Variants in UNC13B observed in about 807,000 individuals in gnomAD.
UNC13B encodes the protein protein unc-13 homolog B.
In UNC13B, 144 loss-of-function variants were observed where a neutral mutation model predicts 211.0. That is an observed-to-expected ratio of 0.68 (90% CI 0.60 to 0.78). UNC13B has a LOEUF of 0.78. Ranked by LOEUF, UNC13B falls within the 30% of genes least tolerant of loss-of-function variation. The pLI is 0.00. For synonymous variants in UNC13B, 709 were observed against 725.8 expected (o/e 0.98, Z 0.37); for missense variants, 1,777 against 2,002.0 (o/e 0.89, Z 2.14).
chr9:35,321,461 C>G (rs1830733135), intron 11 of UNC13B, among the ~76,000 whole-genome samples: 1 of 152,102 alleles, frequency 6.6e-6, no homozygotes, highest in Non-Finnish European at 1.5e-5. Flanking sequence ...AAGCAATTTT[C>G]CTGTCTCAAC....
At chr9:35,163,081 A>G (rs980653168) in intron 1 of UNC13B, among the ~76,000 whole-genome samples, 26 of 152,200 alleles carry the variant, frequency 1.7e-4, no homozygotes, top group African/African-American at 5.8e-4. Flanking sequence ...CTGACGTAGT[A>G]GAAGCTTAAT....
intron 1 of UNC13B, among the ~76,000 whole-genome samples, chr9:35,225,774 G>A (rs1824802152): frequency 6.6e-6 from 1 of 152,118 alleles, no homozygotes; most frequent in Admixed American, 6.5e-5. Flanking sequence ...AGTAGCAGTG[G>A]CATTCTAGGA....
At chr9:35,169,616 A>G (rs1821229146) in intron 1 of UNC13B, among the ~76,000 whole-genome samples, 1 of 152,108 alleles carries the variant, frequency 6.6e-6, no homozygotes, top group Admixed American at 6.5e-5. Context: ...TCGTGGTTCT[A>G]GTAGTCCCTG....
rs1190574801 is a variant in UNC13B at position 35,390,092 on chromosome 9, T to C, written c.11222+119T>C. On this transcript the variant is annotated intron_variant, in intron 25 of 39. Coordinates refer to ENST00000635942, the MANE Select transcript of UNC13B (RefSeq NM_001371189.2). The stretch of plus-strand genomic sequence containing the variant: ...GCCACCTCTTCTTCCTGTCCATCCA[T>C]CTGTCCCTCTGTCCCTTGTATCTGT... 4.7e-6 allele frequency: 7 copies of C among 1,489,098 alleles called. No homozygotes were observed. The Admixed American group carries it at 1.1e-4, about 23-fold the overall frequency. The allele number at this position is 1,489,098 out of a possible 1,614,324, so 92.2% of individuals were successfully genotyped here.
intron 1 of UNC13B, among the ~76,000 whole-genome samples, chr9:35,169,304 T>C (rs1382159340): frequency 6.6e-6 from 1 of 152,154 alleles, no homozygotes; most frequent in Non-Finnish European, 1.5e-5. Context: ...TAGTGAGCCA[T>C]GTTCATGCCA....
At chr9:35,346,890 T>C (rs1832391098) in intron 11 of UNC13B, among the ~76,000 whole-genome samples, 1 of 152,072 alleles carries the variant, frequency 6.6e-6, no homozygotes, top group Admixed American at 6.6e-5. Context: ...CTCCTTTCCA[T>C]TCCCAACCCC....
intron 4 of UNC13B, among the ~76,000 whole-genome samples, chr9:35,237,163 A>G (rs1038974283): frequency 6.6e-6 from 1 of 151,938 alleles, no homozygotes; most frequent in African/African-American, 2.4e-5. Flanking sequence ...TCATTTCCCC[A>G]CTTTGGACCT....
chr9:35,236,366 A>C, intron 3 of UNC13B, 103 bp from the exon 4 acceptor site: 1 of 934,812 alleles, frequency 1.1e-6, no homozygotes, highest in Non-Finnish European at 1.6e-6. Flanking sequence ...TCCTGAAGAC[A>C]GGATCCTGGT....
intron 1 of UNC13B, among the ~76,000 whole-genome samples, chr9:35,182,798 T>C (rs1822014927): frequency 1.3e-5 from 2 of 152,224 alleles, no homozygotes; most frequent in Non-Finnish European, 2.9e-5. Context: ...GGTAAGGTTA[T>C]AGATTAACAG....
intron 1 of UNC13B, among the ~76,000 whole-genome samples, chr9:35,170,976 T>G (rs1055875650): frequency 8.5e-5 from 13 of 152,222 alleles, no homozygotes; most frequent in African/African-American, 3.1e-4. Context: ...ACATGGCTAA[T>G]TTTTGTATTT....
At chr9:35,218,491 G>A (rs1430610740) in intron 1 of UNC13B, among the ~76,000 whole-genome samples, 1 of 151,718 alleles carries the variant, frequency 6.6e-6, no homozygotes, top group African/African-American at 2.4e-5. Context: ...AGAGTGCAGT[G>A]GCATGATCAA....
intron 11 of UNC13B, among the ~76,000 whole-genome samples, chr9:35,318,590 A>T (rs745419787): frequency 1.3e-5 from 2 of 152,246 alleles, no homozygotes; most frequent in African/African-American, 4.8e-5. Context: ...AGATCCTTCC[A>T]TATCAGCTCT....
At position 35,231,176 on chromosome 9, in the gene UNC13B, G is replaced by T. The variant is rs1825180785; in HGVS notation, c.109G>T (p.Ala37Ser). 1.1e-5 allele frequency: 17 copies of T among 1,613,592 alleles called. No individual in the cohort carries two copies. Among genetic ancestry groups the T allele is most frequent in the Non-Finnish European group, 1.4e-5 (16 of 1,179,642 alleles). ...KVQNVKSTTV[A>S]VRGDQPSWEQ... ...ACAGAATGTGAAGAGCACAACTGTA[G>T]CAGTTCGTGGTGATCAGCCTTCCTG... is the stretch of plus-strand genomic sequence containing the variant. The change falls in exon 3 of 40, where the codon GCA becomes TCA. Residue 37 changes from alanine to serine, a missense_variant. Ala to Ser is a moderately conservative substitution (Grantham distance 99). Transcript: ENST00000635942.
chr9:35,228,731 TG>T (rs2131492377), intron 2 of UNC13B, among the ~76,000 whole-genome samples: 1 of 151,510 alleles, frequency 6.6e-6, no homozygotes, highest in South Asian at 2.1e-4. Context: ...TGTGTGTGTG[TG>T]TGTGTGTGTG....
At chr9:35,276,992 G>A (rs1828214067) in intron 7 of UNC13B, among the ~76,000 whole-genome samples, 1 of 152,122 alleles carries the variant, frequency 6.6e-6, no homozygotes, top group African/African-American at 2.4e-5. Context: ...GTACTCAGAA[G>A]TTTTTCTTAG....
chr9:35,220,582 T>C (rs1269980146), intron 1 of UNC13B, among the ~76,000 whole-genome samples: 2 of 152,126 alleles, frequency 1.3e-5, no homozygotes, highest in Non-Finnish European at 2.9e-5. Flanking sequence ...TGACCTCCAG[T>C]TCCATCCATG....
At chr9:35,186,644 G>A (rs1822376996) in intron 1 of UNC13B, among the ~76,000 whole-genome samples, 1 of 152,148 alleles carries the variant, frequency 6.6e-6, no homozygotes, top group African/African-American at 2.4e-5. Flanking sequence ...ACTGGTGGCA[G>A]ATGTGTCAGA....
intron 7 of UNC13B, among the ~76,000 whole-genome samples, chr9:35,279,293 G>T (rs1039144031): frequency 6.6e-6 from 1 of 152,142 alleles, no homozygotes; most frequent in Non-Finnish European, 1.5e-5. Flanking sequence ...GAATCATATA[G>T]TATTAGGCCT....
chr9:35,246,024 C>T (rs1289387417), intron 6 of UNC13B, among the ~76,000 whole-genome samples: 1 of 152,162 alleles, frequency 6.6e-6, no homozygotes, highest in Non-Finnish European at 1.5e-5. Context: ...TGTTTCCTGA[C>T]TTTTTAATGA....
Sources: allele counts gnomAD v4.1 joint callset (sites outside exome capture counted in the v4.1 genomes callset), GRCh38; gene constraint gnomAD v4.1.1; transcripts MANE v1.5; gene names NCBI Gene and HGNC (gene_info 2026-07-23, HGNC 2026-07-21).